SUPT3H: variants seen among roughly 807,000 people sequenced by gnomAD.
The protein encoded by SUPT3H is transcription initiation protein SPT3 homolog.
A neutral mutation model predicts 44.3 loss-of-function variants in SUPT3H; 44 were observed. The observed-to-expected ratio is 0.99, with a 90% CI of 0.78 to 1.28. The LOEUF is 1.28. Among genes scored for constraint, SUPT3H ranks in the 50% most tolerant of loss-of-function variants. The pLI, the probability that SUPT3H is intolerant of heterozygous loss-of-function variation, is 0.00. For missense variants in SUPT3H, 380 were observed against 387.1 expected (o/e 0.98, Z 0.15); for synonymous variants, 124 against 125.6 (o/e 0.99, Z 0.09).
intron 2 of SUPT3H, among the ~76,000 whole-genome samples, chr6:45,219,344 A>G (rs1282416979): frequency 6.6e-6 from 1 of 152,126 alleles, no homozygotes; most frequent in African/African-American, 2.4e-5. Flanking sequence ...TACAGGAAGA[A>G]TAACAAAAAT....
intron 10 of SUPT3H, among the ~76,000 whole-genome samples, chr6:44,833,875 T>A (rs1195153126): frequency 6.6e-6 from 1 of 152,140 alleles, no homozygotes; most frequent in African/African-American, 2.4e-5. Context: ...AAAGGGTAAA[T>A]TACAATTTTA....
rs78129817 is a variant in SUPT3H at position 44,856,309 on chromosome 6, T to C, written c.913-26452A>G. 8.7e-3 allele frequency among the ~76,000 whole-genome samples: 1,332 copies of C among 152,266 alleles called. 3 individuals carry two copies. The highest frequency in any genetic ancestry group is 0.014 in the Non-Finnish European group (977 of 68,012). On this transcript the variant is annotated intron_variant, in intron 10 of 10. Transcript: ENST00000371459. ...TCTTTAAGACAGCTAGTCTCTTCCC[T>C]CAGAGACGACACACTAATTATAGTG...
chr6:45,259,251 C>A (rs1000637996), intron 2 of SUPT3H, among the ~76,000 whole-genome samples: 1 of 151,784 alleles, frequency 6.6e-6, no homozygotes, highest in Non-Finnish European at 1.5e-5. Flanking sequence ...TTAAAAAATT[C>A]TTTTCAATTG....
intron 3 of SUPT3H, among the ~76,000 whole-genome samples, chr6:45,071,470 G>C (rs1243691832): frequency 6.6e-6 from 1 of 152,044 alleles, no homozygotes; most frequent in African/African-American, 2.4e-5. Context: ...GAGTCAAGGA[G>C]AAAGAGTCAG....
At chr6:45,133,920 T>G (rs532899361) in intron 2 of SUPT3H, among the ~76,000 whole-genome samples, 3 of 152,268 alleles carry the variant, frequency 2.0e-5, no homozygotes, top group South Asian at 2.1e-4. Flanking sequence ...AACTGAAGAT[T>G]TGGATCCCTG....
chr6:45,288,304 G>A (rs9369554), intron 2 of SUPT3H, among the ~76,000 whole-genome samples: 148,923 of 152,008 alleles, frequency 0.98, 72,959 homozygotes, highest in Middle Eastern at 1. Flanking sequence ...ATAAATAACG[G>A]TATTTATTAA....
intron 2 of SUPT3H, among the ~76,000 whole-genome samples, chr6:45,306,480 C>G (rs2149960400): frequency 6.6e-6 from 1 of 152,282 alleles, no homozygotes; most frequent in South Asian, 2.1e-4. Flanking sequence ...GGTGCCAGAA[C>G]TGTTGTACCC....
intron 6 of SUPT3H, among the ~76,000 whole-genome samples, chr6:44,979,164 A>G (rs1241036332): frequency 6.6e-6 from 1 of 152,214 alleles, no homozygotes; most frequent in South Asian, 2.1e-4. Flanking sequence ...CTTTAGAGGT[A>G]GAAAAACACA....
At chr6:44,938,182 C>CT (rs1260169140) in intron 9 of SUPT3H, among the ~76,000 whole-genome samples, 2 of 151,418 alleles carry the variant, frequency 1.3e-5, no homozygotes, top group Non-Finnish European at 2.9e-5. Context: ...CTCAGGTTTA[C>CT]TTTGAGTATC....
intron 10 of SUPT3H, among the ~76,000 whole-genome samples, chr6:44,916,441 A>G (rs908558523): frequency 2.0e-5 from 3 of 152,216 alleles, no homozygotes; most frequent in Admixed American, 2.0e-4. Context: ...ACTGGGAAGT[A>G]AAATGGTACT....
At chr6:45,004,777 T>C (rs887039321) in intron 5 of SUPT3H, among the ~76,000 whole-genome samples, 1 of 152,334 alleles carries the variant, frequency 6.6e-6, no homozygotes, top group East Asian at 1.9e-4. Flanking sequence ...AGGGTTCTTA[T>C]GATATTCCTT....
At chr6:45,114,332 A>T (rs1800526471) in intron 2 of SUPT3H, among the ~76,000 whole-genome samples, 1 of 151,032 alleles carries the variant, frequency 6.6e-6, no homozygotes, top group Non-Finnish European at 1.5e-5. Flanking sequence ...AATATAACTA[A>T]TGAATTACTA....
intron 3 of SUPT3H, among the ~76,000 whole-genome samples, chr6:45,094,213 T>C (rs935172411): frequency 6.6e-6 from 1 of 152,030 alleles, no homozygotes. Context: ...AATCCAAGCA[T>C]GGTACAGGAT....
intron 2 of SUPT3H, among the ~76,000 whole-genome samples, chr6:45,208,803 C>T (rs1284964): frequency 0.87 from 131,770 of 151,432 alleles, 57,573 homozygotes; most frequent in African/African-American, 0.91. Flanking sequence ...ATCTAAAACT[C>T]CCATAGCTGG....
intron 1 of SUPT3H, among the ~76,000 whole-genome samples, chr6:45,373,168 T>C (rs1796325813): frequency 6.6e-6 from 1 of 152,116 alleles, no homozygotes; most frequent in South Asian, 2.1e-4. Context: ...CCCATCACTC[T>C]TAGGCTCAAG....
At chr6:45,096,246 A>C (rs1388945350) in intron 3 of SUPT3H, among the ~76,000 whole-genome samples, 3 of 152,124 alleles carry the variant, frequency 2.0e-5, no homozygotes, top group African/African-American at 7.2e-5. Flanking sequence ...AAATATGTCA[A>C]TTTCATTTGG....
At chr6:44,864,323 G>A (rs1775146300) in intron 10 of SUPT3H, among the ~76,000 whole-genome samples, 1 of 152,214 alleles carries the variant, frequency 6.6e-6, no homozygotes, top group Non-Finnish European at 1.5e-5. Flanking sequence ...GCCCCATGGT[G>A]CAAGCTGTCA....
chr6:44,913,518 C>T (rs1412520094), intron 10 of SUPT3H, among the ~76,000 whole-genome samples: 2 of 152,114 alleles, frequency 1.3e-5, no homozygotes, highest in African/African-American at 4.8e-5. Context: ...TGCATGGGAA[C>T]CTGATGAATT....
intron 10 of SUPT3H, among the ~76,000 whole-genome samples, chr6:44,930,924 A>G (rs1770485492): frequency 1.3e-5 from 2 of 151,574 alleles, no homozygotes; most frequent in African/African-American, 4.9e-5. Flanking sequence ...TTTATCATAT[A>G]CTAATACTAA....
Sources: allele counts gnomAD v4.1 joint callset (sites outside exome capture counted in the v4.1 genomes callset), GRCh38; gene constraint gnomAD v4.1.1; transcripts MANE v1.5; gene names NCBI Gene and HGNC (gene_info 2026-07-23, HGNC 2026-07-21).